Variants in KIF26B observed in about 807,000 individuals in gnomAD.
The protein encoded by KIF26B is kinesin-like protein KIF26B.
Under a neutral mutation model 151.2 loss-of-function variants are expected in KIF26B, and 63 were observed. The observed-to-expected ratio is 0.42, with a 90% confidence interval of 0.34 to 0.51. The LOEUF (loss-of-function observed/expected upper bound fraction) is 0.51, where lower values mean the gene tolerates loss of function less well. Ranked by LOEUF, KIF26B falls within the 20% of genes least tolerant of loss-of-function variation. KIF26B has a pLI of 0.07. For missense variants in KIF26B, 2,813 were observed against 2,913.6 expected, an observed-to-expected ratio of 0.97 and a Z score of 0.79; for synonymous variants, 1,357 against 1,262.1, an observed-to-expected ratio of 1.08 and a Z score of -1.59.
intron 3 of KIF26B, among the ~76,000 whole-genome samples, chr1:245,372,247 G>A (rs1323491619): frequency 6.6e-6 from 1 of 152,142 alleles, no homozygotes; most frequent in African/African-American, 2.4e-5. Flanking sequence ...AGAATCTAAT[G>A]CCTGATGATC....
In KIF26B at chr1:245,583,625, G is replaced by T. The variant is rs527887024; in HGVS notation, c.1351-18952G>T. ...CACTAGAGCCCTCTCCAATGCTGCC[G>T]GAGGACCTGTTGCCGTCTGGGCTGT... On this transcript the variant is annotated intron_variant, in intron 5 of 14. Transcript: ENST00000407071. 2.6e-5 allele frequency among the ~76,000 whole-genome samples: 4 copies of T among 152,292 alleles called. No individual in the cohort carries two copies. In the East Asian group the frequency reaches 7.7e-4, roughly 29 times the overall value.
At chr1:245,279,070 C>T (rs1160747382) in intron 2 of KIF26B, among the ~76,000 whole-genome samples, 2 of 152,158 alleles carry the variant, frequency 1.3e-5, no homozygotes, top group African/African-American at 4.8e-5. Context: ...GAGCACGTGA[C>T]CCTCTTGAAG....
In KIF26B at chr1:245,705,405, G is replaced by A. The variant is rs979351598; in HGVS notation, c.*2799G>A. 2.0e-5 allele frequency: 3 copies of A among 152,084 alleles called. No individual in the cohort carries two copies. Among genetic ancestry groups the A allele is most frequent in the Admixed American group, 6.6e-5 (1 of 15,266 alleles). 9.4% of individuals were successfully genotyped at this position (152,084 alleles called of 1,614,324 possible). ...TCTCTGCCTATAAATTGACTGTATT[G>A]ATGATGAAGGAAGGAGTTCCGGCTG... On this transcript the variant is annotated 3_prime_UTR_variant, in exon 15 of 15. Coordinates refer to ENST00000407071, the MANE Select transcript of KIF26B (RefSeq NM_018012.4).
chr1:245,465,951 T>C (rs762943435), intron 4 of KIF26B, among the ~76,000 whole-genome samples: 20 of 152,220 alleles, frequency 1.3e-4, no homozygotes, highest in Non-Finnish European at 2.8e-4. Context: ...GCAGCTTGCA[T>C]CCGTCTGCCT....
At chr1:245,197,287 A>C (rs2103535935) in intron 2 of KIF26B, among the ~76,000 whole-genome samples, 1 of 152,290 alleles carries the variant, frequency 6.6e-6, no homozygotes, top group East Asian at 1.9e-4. Flanking sequence ...ATTTTTAATG[A>C]ACTGGTGTGT....
At chr1:245,281,218 C>T (rs1671043090) in intron 2 of KIF26B, among the ~76,000 whole-genome samples, 2 of 73,932 alleles carry the variant, frequency 2.7e-5, no homozygotes, top group African/African-American at 6.7e-5. Context: ...TACAGTCCCA[C>T]CAACAGTGTA....
Position 245,156,552 on chromosome 1 carries a change from G to A in KIF26B, c.334G>A (p.Gly112Ser). 6.5e-7 allele frequency: 1 copy of A among 1,535,262 alleles called. No individual in the cohort carries two copies. Among genetic ancestry groups the A allele is most frequent in the Non-Finnish European group, 8.7e-7 (1 of 1,147,112 alleles). ...GSPGFGTGSP[G>S]SGSGGGSSPG... ...TCCGGGCTTCGGCACAGGCTCCCCGGGCTCCGGCAGCGGCGGCGGCTCCTC... is the reference window on the plus strand; with the variant it reads ...TCCGGGCTTCGGCACAGGCTCCCCGAGCTCCGGCAGCGGCGGCGGCTCCTC... Residue 112 changes from glycine (G) to serine (S), a missense_variant, in exon 2 of 15, where the codon GGC (glycine) becomes AGC (serine). Physicochemically the swap from Gly to Ser is moderately conservative, Grantham distance 56. This residue lies in a region of KIF26B where 676 missense variants were observed against 688.1 expected (regional missense o/e 0.98). Transcript: ENST00000407071.
intron 9 of KIF26B, among the ~76,000 whole-genome samples, chr1:245,643,622 T>C (rs1254468896): frequency 6.6e-6 from 1 of 152,218 alleles, no homozygotes; most frequent in Non-Finnish European, 1.5e-5. Context: ...TAATAAAAAT[T>C]ACATATTTAC....
chr1:245,673,971 C>A (rs1572193715), intron 10 of KIF26B: 1 of 152,358 alleles, frequency 6.6e-6, no homozygotes, highest in East Asian at 1.9e-4. Flanking sequence ...CAACATGACT[C>A]TTGACCCCTT....
intron 3 of KIF26B, among the ~76,000 whole-genome samples, chr1:245,404,241 T>C (rs1284926874): frequency 1.3e-5 from 2 of 152,044 alleles, no homozygotes; most frequent in Non-Finnish European, 2.9e-5. Flanking sequence ...CGTAGAGTCT[T>C]TTAACTCAGG....
intron 3 of KIF26B, among the ~76,000 whole-genome samples, chr1:245,392,770 C>T (rs1673730632): frequency 6.6e-6 from 1 of 152,138 alleles, no homozygotes; most frequent in Non-Finnish European, 1.5e-5. Context: ...TTCATGTTGG[C>T]CTGTTCTATG....
chr1:245,541,244 A>T (rs558892685), intron 5 of KIF26B, among the ~76,000 whole-genome samples: 1 of 152,330 alleles, frequency 6.6e-6, no homozygotes, highest in South Asian at 2.1e-4. Context: ...GGCACAAAAT[A>T]TCGAGGCAGG....
At chr1:245,604,097 C>G (rs940445245) in intron 6 of KIF26B, among the ~76,000 whole-genome samples, 3 of 152,138 alleles carry the variant, frequency 2.0e-5, no homozygotes, top group African/African-American at 7.2e-5. Flanking sequence ...CAGGGACAGA[C>G]GTGTAGAACT....
At chr1:245,492,872 C>G (rs1366435872) in intron 4 of KIF26B, among the ~76,000 whole-genome samples, 2 of 152,112 alleles carry the variant, frequency 1.3e-5, no homozygotes, top group African/African-American at 4.8e-5. Flanking sequence ...CCTCTGCCTC[C>G]CGGGTTCAAG....
chr1:245,271,818 C>A (rs1670860861), intron 2 of KIF26B, among the ~76,000 whole-genome samples: 1 of 151,992 alleles, frequency 6.6e-6, no homozygotes, highest in South Asian at 2.1e-4. Flanking sequence ...ATGTAGTTTT[C>A]TTTTCTTGTA....
chr1:245,352,287 A>G lies in KIF26B; in HGVS notation c.466-14547A>G, dbSNP rs1672583658. Among the ~76,000 whole-genome samples, 1 of 152,214 alleles carries G rather than the reference A, an allele frequency of 6.6e-6. No individual in the cohort carries two copies. Among genetic ancestry groups the G allele is most frequent in the African/African-American group, 2.4e-5 (1 of 41,454 alleles). On this transcript the variant is annotated intron_variant, in intron 2 of 14. Transcript: ENST00000407071. This position sits in a 1 kb window ranked among gnomAD's most constrained non-coding sequence, Gnocchi z 5.0. ...GTTTGTTTGTGTTCCTTTTTGAGAC[A>G]GAGTCTCATTCCTTCACTCAGACTG...
intron 2 of KIF26B, among the ~76,000 whole-genome samples, chr1:245,303,724 A>G (rs1489728279): frequency 6.6e-6 from 1 of 152,232 alleles, no homozygotes; most frequent in Non-Finnish European, 1.5e-5. Flanking sequence ...AAACTAAAAG[A>G]AACTTCTGCT....
In KIF26B at chr1:245,540,648, G is replaced by A; in HGVS notation, c.1167-119G>A. ...TGCTACAGAGGACACTGAGCAGGAG[G>A]AGAGAAGGAATGATTAGGCCTCAGA... On this transcript the variant is annotated intron_variant, in intron 4 of 14. Coordinates refer to ENST00000407071, the MANE Select transcript of KIF26B (RefSeq NM_018012.4). The surrounding 1 kb of genome is among the most constrained non-coding windows in gnomAD (Gnocchi z 4.6). 1.1e-6 allele frequency: 1 copy of A among 885,470 alleles called. No homozygotes were observed. The highest frequency in any genetic ancestry group is 1.9e-6 in the Non-Finnish European group (1 of 515,602). The allele number at this position is 885,470 out of a possible 1,614,324, so 54.9% of individuals were successfully genotyped here. A position where few individuals can be genotyped will look rare whatever the true frequency, so the allele number is the denominator to read the frequency against.
intron 2 of KIF26B, among the ~76,000 whole-genome samples, chr1:245,262,027 A>G (rs1331771545): frequency 6.6e-6 from 1 of 152,076 alleles, no homozygotes; most frequent in Non-Finnish European, 1.5e-5. Flanking sequence ...TGTTGTTAAC[A>G]TTTTTCAAAT....
Sources: gnomAD v4.1 joint callset for allele counts (sites outside exome capture counted in the v4.1 genomes callset) on GRCh38, gnomAD v4.1.1 for gene constraint, gnomAD v4.1.1 regional missense constraint, Gnocchi (gnomAD v3.1) non-coding constraint, MANE v1.5 for transcripts, NCBI Gene and HGNC (gene_info 2026-07-23, HGNC 2026-07-21) for gene names.